SMARCA4: variants seen among roughly 807,000 people sequenced by gnomAD.
SMARCA4 encodes the protein SWI/SNF-related matrix-associated actin-dependent regulator of chromatin subfamily A member 4.
Under a neutral mutation model 193.9 loss-of-function variants are expected in SMARCA4, and 31 were observed. The ratio of observed to expected loss-of-function variants is 0.16; its 90% CI spans 0.12 to 0.22. The LOEUF (loss-of-function observed/expected upper bound fraction) is 0.22. Among genes scored for constraint, SMARCA4 ranks in the 10% least tolerant of loss-of-function variants. The pLI is 1.00. For missense variants in SMARCA4, 1,148 were observed against 2,296.0 expected (o/e 0.50, Z 10.22); for synonymous variants, 942 against 933.1 (o/e 1.01, Z -0.17).
At chr19:10,996,683 C>T (rs1037258509) in intron 11 of SMARCA4, 139 bp downstream of exon 11, 29 of 840,304 alleles carry the variant, frequency 3.5e-5, no homozygotes, top group Middle Eastern at 3.2e-4. Context: ...TGTCCTCTGA[C>T]GCCCATCCCA....
At chr19:10,973,546 C>G (rs980054596) in intron 1 of SMARCA4, among the ~76,000 whole-genome samples, 30 of 143,882 alleles carry the variant, frequency 2.1e-4, no homozygotes, top group African/African-American at 5.9e-4. Flanking sequence ...GACTACAGGC[C>G]CCCGCCACCA....
Position 11,058,336 on chromosome 19 carries a change from C to G in SMARCA4, c.4506C>G (p.Arg1502=). 1.2e-6 allele frequency: 2 copies of G among 1,612,786 alleles called. No homozygotes were observed. The highest frequency in any genetic ancestry group is 1.7e-6 in the Non-Finnish European group (2 of 1,179,044). ...KELPEYYELI[R]KPVDFKKIKE... ...TGCCCGAGTACTACGAGCTCATCCG[C>G]AAGCCCGTGGACTTCAAGAAGATAA... The change falls in exon 31 of 35, where the codon CGC becomes CGG. Residue 1502 remains arginine (R), a synonymous_variant. Transcript: ENST00000344626. The surrounding 1 kb of genome is among the most constrained non-coding windows in gnomAD (Gnocchi z 5.8).
intron 30 of SMARCA4, among the ~76,000 whole-genome samples, chr19:11,048,431 A>T (rs1381286978): frequency 6.6e-6 from 1 of 152,170 alleles, no homozygotes; most frequent in Admixed American, 6.6e-5. Context: ...GCTCTCCAGA[A>T]CCCTCTAAGT....
intron 1 of SMARCA4, among the ~76,000 whole-genome samples, chr19:10,983,316 A>C (rs1599921313): frequency 6.6e-6 from 1 of 152,308 alleles, no homozygotes; most frequent in Middle Eastern, 3.4e-3. Context: ...ATCCTTTTTA[A>C]ACTTAAGTTC....
chr19:11,008,488 G>A (rs1233396676), intron 14 of SMARCA4, among the ~76,000 whole-genome samples: 2 of 152,268 alleles, frequency 1.3e-5, no homozygotes, highest in East Asian at 1.9e-4. Context: ...TCCTGTGTCC[G>A]TGCAGAGTGC....
chr19:10,996,711 C>T (rs755704651), intron 11 of SMARCA4, among the ~76,000 whole-genome samples, 167 bp downstream of exon 11: 19 of 152,166 alleles, frequency 1.2e-4, no homozygotes, highest in Non-Finnish European at 2.8e-4. Flanking sequence ...CCACATCCCA[C>T]ATGTTGTGTT....
At position 11,033,918 on chromosome 19, in the gene SMARCA4, G is replaced by T; in HGVS notation, c.3873+53G>T. ...CCATTCAATCCTCGGCTTCTCGGCT[G>T]AGACGGCCAGCAAGGGCCCTGGTCC... On this transcript the variant is annotated intron_variant, in intron 27 of 34. Transcript: ENST00000344626. This position sits in a 1 kb window ranked among gnomAD's most constrained non-coding sequence, Gnocchi z 9.8. 1.3e-6 allele frequency: 1 copy of T among 761,954 alleles called. No homozygotes were observed. Among genetic ancestry groups the T allele is most frequent in the South Asian group, 1.4e-5 (1 of 73,498 alleles). The allele number at this position is 761,954 out of a possible 1,614,324, so 47.2% of individuals were successfully genotyped here.
chr19:10,991,598 T>C (rs2145889342), intron 8 of SMARCA4, among the ~76,000 whole-genome samples: 1 of 152,336 alleles, frequency 6.6e-6, no homozygotes, highest in South Asian at 2.1e-4. Flanking sequence ...AACGGGCTGT[T>C]GTAGAACTGA....
rs554145659 is a variant in SMARCA4, at chr19:11,031,206, C to T, written c.3546+313C>T. On this transcript the variant is annotated intron_variant, in intron 25 of 34. Coordinates refer to ENST00000344626, the MANE Select transcript of SMARCA4 (RefSeq NM_003072.5). The surrounding 1 kb of genome is among the most constrained non-coding windows in gnomAD (Gnocchi z 4.3). ...GGAAAGTATCCTGATCAATCTGCGC[C>T]GTCACTGTGGGGCGGCCCCTGCAGT... 17 of 404,738 alleles carry T rather than the reference C, an allele frequency of 4.2e-5. No homozygotes were observed. The highest frequency in any genetic ancestry group is 1.6e-4 in the East Asian group (3 of 18,606). The allele number at this position is 404,738 out of a possible 1,614,324, so 25.1% of individuals were successfully genotyped here.
At chr19:10,982,586 G>A (rs950798761) in intron 1 of SMARCA4, among the ~76,000 whole-genome samples, 14 of 150,888 alleles carry the variant, frequency 9.3e-5, no homozygotes, top group South Asian at 2.1e-4. Context: ...TGCAAGCGCC[G>A]CCTCCTGGGT....
intron 16 of SMARCA4, among the ~76,000 whole-genome samples, chr19:11,015,302 T>G (rs2089251704): frequency 6.6e-6 from 1 of 152,244 alleles, no homozygotes; most frequent in Admixed American, 6.5e-5. Flanking sequence ...GGCCTTGCTC[T>G]GGTCCAGGAT....
At chr19:11,028,037 G>C (rs2146550591) in intron 24 of SMARCA4, 87 bp downstream of exon 24, 1 of 1,420,464 alleles carries the variant, frequency 7.0e-7, no homozygotes, top group Non-Finnish European at 9.9e-7. Context: ...CCTCCTGTGA[G>C]GCAGGGTGAG....
Position 10,986,469 on chromosome 19 carries a change from G to T in SMARCA4, c.636G>T (p.Gly212=). ...MAVQGKRPMP[G]MQQQMPTLPP... is the part of the protein sequence containing the mutation. ...TGCAGGGCAAGCGGCCGATGCCCGG[G>T]ATGCAGCAGCAGATGCCAACGCTAC... Residue 212 remains glycine, a synonymous_variant, in exon 4 of 35, where the codon GGG becomes GGT. Coordinates refer to ENST00000344626, the MANE Select transcript of SMARCA4 (RefSeq NM_003072.5). This position sits in a 1 kb window ranked among gnomAD's most constrained non-coding sequence, Gnocchi z 6.7. 1 of 1,555,416 alleles carries T rather than the reference G, an allele frequency of 6.4e-7. No individual in the cohort carries two copies. Among genetic ancestry groups the T allele is most frequent in the Non-Finnish European group, 8.7e-7 (1 of 1,150,460 alleles).
intron 14 of SMARCA4, among the ~76,000 whole-genome samples, chr19:11,008,807 C>G (rs1483416611): frequency 6.6e-6 from 1 of 151,846 alleles, no homozygotes; most frequent in South Asian, 2.1e-4. Flanking sequence ...AACCGCATCT[C>G]TACTAAAAAT....
chr19:11,053,903 C>T (rs905091119), intron 30 of SMARCA4, among the ~76,000 whole-genome samples: 4 of 152,114 alleles, frequency 2.6e-5, no homozygotes, highest in Admixed American at 6.5e-5. Context: ...AGAACAAGAT[C>T]GTGTCTGTAA....
intron 30 of SMARCA4, among the ~76,000 whole-genome samples, chr19:11,048,664 C>T (rs1319258807): frequency 1.3e-5 from 2 of 152,240 alleles, no homozygotes; most frequent in African/African-American, 4.8e-5. Flanking sequence ...TTTAGCTGGG[C>T]ACCCGCTGCT....
chr19:11,060,278 A>T (rs2147131205), intron 34 of SMARCA4, 91 bp downstream of exon 34: 1 of 1,433,882 alleles, frequency 7.0e-7, no homozygotes, highest in East Asian at 2.5e-5. Flanking sequence ...CGGTGCTCCC[A>T]CGCCCCCACG....
At chr19:11,060,580 A>C (rs1390055422) in intron 34 of SMARCA4, 1 of 323,532 alleles carries the variant, frequency 3.1e-6, no homozygotes, top group Non-Finnish European at 6.0e-6. Context: ...CCTCAGTGGC[A>C]TAGAGAATGG....
chr19:10,983,821 C>A (rs372309151), intron 1 of SMARCA4: 1 of 477,812 alleles, frequency 2.1e-6, no homozygotes, highest in Non-Finnish European at 3.9e-6. Context: ...ACCAGCACCC[C>A]CTGAGACACC....
Sources: allele counts gnomAD v4.1 joint callset (sites outside exome capture counted in the v4.1 genomes callset), GRCh38; gene constraint gnomAD v4.1.1; non-coding constraint Gnocchi (gnomAD v3.1); transcripts MANE v1.5; gene names NCBI Gene and HGNC (gene_info 2026-07-23, HGNC 2026-07-21).